The following UBL3 variants were observed in gnomAD, a reference collection of about 807,000 sequenced individuals.
The protein encoded by UBL3 is ubiquitin like 3.
Under a neutral mutation model 18.4 loss-of-function variants are expected in UBL3, and 6 were observed. The ratio of observed to expected loss-of-function variants is 0.33; its 90% CI spans 0.18 to 0.64. The LOEUF (loss-of-function observed/expected upper bound fraction) is 0.64, where lower values mean the gene tolerates loss of function less well. UBL3 is among the 30% of genes least tolerant of loss of function. The pLI, the probability that UBL3 is intolerant of heterozygous loss-of-function variation, is 0.76. For synonymous variants in UBL3, 49 were observed against 46.6 expected (o/e 1.05, Z -0.21); for missense variants, 109 against 142.9 (o/e 0.76, Z 1.21).
chr13:29,849,879 G>A lies in UBL3; in HGVS notation c.-341C>T, dbSNP rs1879325897. The A allele has an allele frequency of 2.1e-6, 1 of 466,184 alleles. No individual in the cohort carries two copies. The highest frequency in any genetic ancestry group is 3.9e-6 in the Non-Finnish European group (1 of 255,268). 28.9% of individuals were successfully genotyped at this position (466,184 alleles called of 1,614,324 possible). On this transcript the variant is annotated 5_prime_UTR_variant, in exon 1 of 5. Transcript: ENST00000380680. ...TGACACACGGACATGGAGAGGGGTG[G>A]GAGGGGGTTAAATGCGCCTTCCTCC...
Position 29,771,783 on chromosome 13 carries a change from T to G in UBL3, c.223+329A>C, listed in dbSNP as rs184163209. Among the ~76,000 whole-genome samples the G allele has an allele frequency of 5.4e-3, 816 of 152,168 alleles. 21 individuals are homozygous for G. The highest frequency in any genetic ancestry group is 1.9e-3 in the East Asian group (10 of 5,190). Reference sequence around the variant, plus strand: ...AAACTATCATAAATTTTTCCTAGTTTGTGTGTCCAGTCTTAAGTTTAAAAT... The same window carrying G: ...AAACTATCATAAATTTTTCCTAGTTGGTGTGTCCAGTCTTAAGTTTAAAAT... On this transcript the variant is annotated intron_variant, in intron 3 of 4. Transcript: ENST00000380680.
At chr13:29,782,035 A>G (rs919168495) in intron 1 of UBL3, among the ~76,000 whole-genome samples, 3 of 151,792 alleles carry the variant, frequency 2.0e-5, no homozygotes, top group Non-Finnish European at 4.4e-5. Flanking sequence ...ATAAATCAAC[A>G]AAGCCTACTT....
At chr13:29,838,599 A>G (rs1362761256) in intron 1 of UBL3, among the ~76,000 whole-genome samples, 1 of 152,208 alleles carries the variant, frequency 6.6e-6, no homozygotes, top group African/African-American at 2.4e-5. Flanking sequence ...AAAAAAGTTA[A>G]AGATGAACAT....
chr13:29,797,862 G>A (rs1565993913), intron 1 of UBL3, among the ~76,000 whole-genome samples: 1 of 151,954 alleles, frequency 6.6e-6, no homozygotes, highest in Non-Finnish European at 1.5e-5. Flanking sequence ...AAATCCATGA[G>A]GATTACTTAA....
At chr13:29,835,587 T>C (rs1214238863) in intron 1 of UBL3, among the ~76,000 whole-genome samples, 2 of 151,354 alleles carry the variant, frequency 1.3e-5, no homozygotes, top group East Asian at 3.9e-4. Flanking sequence ...AATCCCCATC[T>C]CTACTAAAAA....
intron 1 of UBL3, among the ~76,000 whole-genome samples, chr13:29,845,120 GA>G (rs1377789342): frequency 1.3e-5 from 2 of 152,042 alleles, no homozygotes; most frequent in East Asian, 3.9e-4. Flanking sequence ...TTACAAGAAG[GA>G]AAGATCACTG....
Position 29,782,596 on chromosome 13 carries a change from A to G in UBL3, c.28-5333T>C, listed in dbSNP as rs181024141. The stretch of plus-strand genomic sequence containing the variant: ...TTACTCCCCCTGGCCTGCTTCAGAC[A>G]CTCAGGAAACTGCCTAGTTCCAGAA... On this transcript the variant is annotated intron_variant, in intron 1 of 4. Coordinates refer to ENST00000380680, the MANE Select transcript of UBL3 (RefSeq NM_007106.4). Among the ~76,000 whole-genome samples the G allele has an allele frequency of 1.4e-3, 217 of 152,304 alleles. 1 individual carries two copies. Among genetic ancestry groups the G allele is most frequent in the African/African-American group, 5.1e-3 (210 of 41,560 alleles).
At chr13:29,788,515 C>G (rs764823450) in intron 1 of UBL3, among the ~76,000 whole-genome samples, 1 of 152,092 alleles carries the variant, frequency 6.6e-6, no homozygotes, top group Non-Finnish European at 1.5e-5. Context: ...CAGCATACTT[C>G]GATGCCACCC....
chr13:29,814,333 A>C (rs1878204993), intron 1 of UBL3, among the ~76,000 whole-genome samples: 1 of 152,114 alleles, frequency 6.6e-6, no homozygotes, highest in Non-Finnish European at 1.5e-5. Flanking sequence ...CAAGGAAAAC[A>C]AATTTATATT....
At chr13:29,842,400 C>A (rs147726016) in intron 1 of UBL3, among the ~76,000 whole-genome samples, 178 of 152,146 alleles carry the variant, frequency 1.2e-3, no homozygotes, top group African/African-American at 4.1e-3. Context: ...CTCAAGTGAT[C>A]CACCCACCTC....
intron 1 of UBL3, among the ~76,000 whole-genome samples, chr13:29,804,065 T>C (rs1593662356): frequency 6.7e-6 from 1 of 150,270 alleles, no homozygotes; most frequent in East Asian, 2.0e-4. Context: ...CAATCAGCCA[T>C]AAGACAATCC....
At chr13:29,808,400 G>A (rs1054336783) in intron 1 of UBL3, among the ~76,000 whole-genome samples, 45 of 152,028 alleles carry the variant, frequency 3.0e-4, no homozygotes, top group Non-Finnish European at 5.7e-4. Flanking sequence ...TATGATTTAT[G>A]AAGACATTCT....
chr13:29,797,909 A>G (rs973483054), intron 1 of UBL3, among the ~76,000 whole-genome samples: 2 of 152,132 alleles, frequency 1.3e-5, no homozygotes, highest in African/African-American at 4.8e-5. Context: ...CTTCAAGGGG[A>G]GGAATCATGA....
intron 1 of UBL3, among the ~76,000 whole-genome samples, chr13:29,777,901 G>A (rs1306049829): frequency 2.0e-5 from 3 of 151,984 alleles, no homozygotes; most frequent in African/African-American, 7.3e-5. Flanking sequence ...CAAGTAGCTG[G>A]GATTACAGGT....
chr13:29,804,130 T>C (rs1376591515), intron 1 of UBL3, among the ~76,000 whole-genome samples: 2 of 149,192 alleles, frequency 1.3e-5, no homozygotes, highest in Non-Finnish European at 1.5e-5. Flanking sequence ...TCTTGGACCA[T>C]AGCTCATTAA....
chr13:29,832,160 A>G (rs1878793296), intron 1 of UBL3, among the ~76,000 whole-genome samples: 1 of 152,196 alleles, frequency 6.6e-6, no homozygotes, highest in Non-Finnish European at 1.5e-5. Flanking sequence ...TAGAAAGATG[A>G]GGCCTCTCTG....
At chr13:29,835,144 ATATATATATATATATATATAT>A (rs1878917740) in intron 1 of UBL3, among the ~76,000 whole-genome samples, 2 of 15,038 alleles carry the variant, frequency 1.3e-4, no homozygotes, top group Non-Finnish European at 2.4e-4. Flanking sequence ...ATATATATAT[ATATATATATATATATATATAT>A]ATATATATAT....
intron 1 of UBL3, among the ~76,000 whole-genome samples, chr13:29,783,788 G>A (rs956541335): frequency 2.6e-5 from 4 of 152,030 alleles, no homozygotes; most frequent in African/African-American, 9.7e-5. Context: ...TGCTTGTAGG[G>A]TAATGGGATC....
intron 1 of UBL3, among the ~76,000 whole-genome samples, chr13:29,822,982 A>T (rs557547818): frequency 2.9e-4 from 44 of 152,320 alleles, no homozygotes; most frequent in African/African-American, 1.0e-3. Context: ...GAGAGAAAAA[A>T]CATGAATAGT....
Sources: gnomAD v4.1 joint callset for allele counts (sites outside exome capture counted in the v4.1 genomes callset) on GRCh38, gnomAD v4.1.1 for gene constraint, MANE v1.5 for transcripts, NCBI Gene and HGNC (gene_info 2026-07-23, HGNC 2026-07-21) for gene names.